The following RTL9 variants were observed in gnomAD, a reference collection of about 807,000 sequenced individuals.
The protein encoded by RTL9 is retrotransposon Gag-like protein 9.
RTL9 carries 19 observed loss-of-function variants against 44.7 expected under a neutral mutation model. That is an observed-to-expected ratio of 0.42 (90% CI 0.30 to 0.62). The LOEUF (loss-of-function observed/expected upper bound fraction) is 0.62. RTL9 is among the 20% of genes least tolerant of loss of function. The pLI is 0.16. For synonymous variants in RTL9, 407 were observed against 398.9 expected, an observed-to-expected ratio of 1.02 and a Z score of -0.24; for missense variants, 1,105 against 1,080.6, an observed-to-expected ratio of 1.02 and a Z score of -0.32.
intron 1 of RTL9, among the ~76,000 whole-genome samples, chrX:110,383,560 C>A (rs1405361429): frequency 9.0e-6 from 1 of 111,321 alleles, no homozygotes; most frequent in Non-Finnish European, 1.9e-5. Flanking sequence ...TCCTGACATA[C>A]CCTAAACTCC....
chrX:110,391,010 G>T (rs772429760), intron 1 of RTL9, among the ~76,000 whole-genome samples: 1 of 111,782 alleles, frequency 8.9e-6, no homozygotes, highest in Non-Finnish European at 1.9e-5. Context: ...TTTACTCTGG[G>T]ATTGGGAATG....
At chrX:110,440,475 G>T (rs751011245) in intron 1 of RTL9, among the ~76,000 whole-genome samples, 3 of 111,930 alleles carry the variant, frequency 2.7e-5, no homozygotes, top group Non-Finnish European at 5.6e-5. Flanking sequence ...CATGAGCTTA[G>T]GAGTGACATG....
intron 1 of RTL9, among the ~76,000 whole-genome samples, chrX:110,404,229 T>G (rs2068583118): frequency 8.9e-6 from 1 of 112,008 alleles, no homozygotes; most frequent in South Asian, 3.8e-4. Context: ...CTAATACCTT[T>G]AACCTTTTCC....
intron 1 of RTL9, among the ~76,000 whole-genome samples, chrX:110,429,480 T>G (rs1264511481): frequency 1.6e-5 from 1 of 64,372 alleles, no homozygotes. Flanking sequence ...TTTTGTTTTG[T>G]TTTTTTGGTT....
chrX:110,362,984 A>G (rs2068274164), intron 1 of RTL9, among the ~76,000 whole-genome samples: 1 of 112,076 alleles, frequency 8.9e-6, no homozygotes, highest in African/African-American at 3.2e-5. Context: ...AAGGCCCCAC[A>G]ACCAGCAGAA....
At chrX:110,382,104 T>C (rs916985396) in intron 1 of RTL9, among the ~76,000 whole-genome samples, 5 of 112,231 alleles carry the variant, frequency 4.5e-5, no homozygotes, top group Non-Finnish European at 9.4e-5. Flanking sequence ...AATTCTTTCC[T>C]AAGAATTCTT....
intron 1 of RTL9, among the ~76,000 whole-genome samples, chrX:110,410,815 C>T (rs1441685779): frequency 8.9e-6 from 1 of 111,874 alleles, no homozygotes; most frequent in Non-Finnish European, 1.9e-5. Context: ...GGGACAAGTC[C>T]CAGCAGCCTC....
In RTL9 at chrX:110,378,818, C is replaced by T. The variant is rs746752757; in HGVS notation, c.-168+19902C>T. On this transcript the variant is annotated intron_variant, in intron 1 of 2. Transcript: ENST00000520821. ...CACCTGTCCACCCCGACCCCCGCTG[C>T]CCACTGCTGGCTCTTCCAGTCTTGT... Among the ~76,000 whole-genome samples the T allele has an allele frequency of 7.2e-5, 8 of 111,640 alleles. No individual in the cohort carries two copies. The South Asian group carries it at 3.1e-3, about 43-fold the overall frequency.
upstream of RTL9, among the ~76,000 whole-genome samples, chrX:110,448,639 C>T (rs939937767): frequency 4.0e-4 from 32 of 80,062 alleles, no homozygotes; most frequent in Non-Finnish European, 2.7e-4. Context: ...ACCAGAGAGA[C>T]AGAGCAAGCA....
chrX:110,450,800 A>AT lies in RTL9; in HGVS notation c.184dup (p.Ser62PhefsTer11). ...CTTCAGCCTCAGACCCTGGAGGGAC[A>AT]TCCACACAGTTGATGACATCTCCAG... On this transcript the variant is annotated frameshift_variant, in exon 1 of 2. Coordinates refer to ENST00000540313, the Ensembl canonical transcript of RTL9. LOFTEE classifies it high-confidence loss of function. 8.3e-7 allele frequency: 1 copy of AT among 1,211,761 alleles called. No homozygotes were observed. Among genetic ancestry groups the AT allele is most frequent in the Non-Finnish European group, 1.1e-6 (1 of 895,409 alleles).
chrX:110,387,710 A>G (rs1052100942), intron 1 of RTL9, among the ~76,000 whole-genome samples: 1 of 111,404 alleles, frequency 9.0e-6, no homozygotes, highest in Non-Finnish European at 1.9e-5. Flanking sequence ...GCTAAAACCC[A>G]TGTTCTCTAC....
At chrX:110,428,922 C>T (rs1371933662) in intron 1 of RTL9, among the ~76,000 whole-genome samples, 3 of 112,420 alleles carry the variant, frequency 2.7e-5, no homozygotes, top group African/African-American at 6.5e-5. Flanking sequence ...TCCGATGCGA[C>T]GGCACAGGTC....
At chrX:110,421,438 G>T (rs1302410012) in intron 1 of RTL9, among the ~76,000 whole-genome samples, 1 of 112,673 alleles carries the variant, frequency 8.9e-6, no homozygotes, top group Non-Finnish European at 1.9e-5. Flanking sequence ...ATGTAGATAA[G>T]TCACGGGTCA....
At chrX:110,414,519 C>G (rs1181932453), upstream of RTL9, among the ~76,000 whole-genome samples, 1 of 113,071 alleles carries the variant, frequency 8.8e-6, no homozygotes, top group Non-Finnish European at 1.9e-5. Context: ...CTGCCAGCAG[C>G]CCTGCAAGGG....
In RTL9 at chrX:110,424,834, A is replaced by G. The variant is rs762319864; in HGVS notation, c.-168+5699A>G. 3.6e-5 allele frequency among the ~76,000 whole-genome samples: 4 copies of G among 112,002 alleles called. No homozygotes were observed. The South Asian group carries it at 1.5e-3, about 42-fold the overall frequency. ...ATAACAACATGAGTGTTGTCCCGTT[A>G]ATCTCTCTGGGCTTCTGTTTCCAGA... On this transcript the variant is annotated intron_variant, in intron 1 of 3. Coordinates refer to the RTL9 transcript ENST00000465301.
At chrX:110,453,396 T>A (rs2068958918) in exon 1 of RTL9, 1 of 1,208,926 alleles carries the variant, frequency 8.3e-7, no homozygotes, top group Non-Finnish European at 1.1e-6. Context: ...GTCCACAGAG[T>A]TAATGAGAGC....
upstream of RTL9, among the ~76,000 whole-genome samples, chrX:110,416,886 C>T (rs749177955): frequency 4.7e-4 from 53 of 111,696 alleles, no homozygotes; most frequent in Non-Finnish European, 7.3e-4. Context: ...AGAGCTGAAC[C>T]TCTCTGAATG....
At chrX:110,381,314 C>T (rs1442275104) in intron 1 of RTL9, among the ~76,000 whole-genome samples, 1 of 111,834 alleles carries the variant, frequency 8.9e-6, no homozygotes, top group Non-Finnish European at 1.9e-5. Context: ...GGCCAAAAGA[C>T]ATGAAAAAAT....
intron 1 of RTL9, among the ~76,000 whole-genome samples, chrX:110,443,063 C>T (rs2068891380): frequency 8.9e-6 from 1 of 111,816 alleles, no homozygotes. Flanking sequence ...ATAAGCAGGA[C>T]CAGGAGAGAT....
Sources: allele counts gnomAD v4.1 joint callset (sites outside exome capture counted in the v4.1 genomes callset), GRCh38; gene constraint gnomAD v4.1.1; transcripts MANE v1.5; gene names NCBI Gene and HGNC (gene_info 2026-07-23, HGNC 2026-07-21).